The following NOD1 variants were observed in gnomAD, a reference collection of about 807,000 sequenced individuals.
The protein encoded by NOD1 is nucleotide binding oligomerization domain containing 1.
Under a neutral mutation model 81.2 loss-of-function variants are expected in NOD1, and 70 were observed. That is an observed-to-expected ratio of 0.86 (90% confidence interval 0.71 to 1.05). The LOEUF is 1.05. NOD1 is among the 50% of genes least tolerant of loss of function. The pLI is 0.00. For synonymous variants in NOD1, 508 were observed against 526.9 expected (o/e 0.96, Z 0.49); for missense variants, 1,233 against 1,228.0 (o/e 1.00, Z -0.06).
chr7:30,438,546 C>T (rs893025452), intron 9 of NOD1, among the ~76,000 whole-genome samples: 3 of 152,216 alleles, frequency 2.0e-5, no homozygotes, highest in Non-Finnish European at 4.4e-5. Context: ...AGAACAAGTT[C>T]GTGTGGCCCA....
chr7:30,425,036 T>C lies in NOD1; in HGVS notation c.*602A>G, dbSNP rs1783329731. The C allele has an allele frequency of 2.6e-5, 4 of 152,610 alleles. No individual in the cohort carries two copies. Among genetic ancestry groups the C allele is most frequent in the Non-Finnish European group, 1.5e-5 (1 of 68,370 alleles). 9.5% of individuals were successfully genotyped at this position (152,610 alleles called of 1,614,324 possible). ...AATTAAAAGCCCGTGGTGCATCCTT[T>C]CCTTGACATTAACTTTCCACAAAAC... On this transcript the variant is annotated 3_prime_UTR_variant, in exon 14 of 14. Coordinates refer to ENST00000222823, the MANE Select transcript of NOD1 (RefSeq NM_006092.4).
At chr7:30,432,172 CAGAA>C (rs1347865310) in intron 12 of NOD1, among the ~76,000 whole-genome samples, 4 of 151,942 alleles carry the variant, frequency 2.6e-5, no homozygotes, top group African/African-American at 9.7e-5. Flanking sequence ...AAAAACTCCA[CAGAA>C]AGAAAGAAAA....
chr7:30,434,019 T>C (rs577459318), intron 11 of NOD1, among the ~76,000 whole-genome samples: 3 of 152,264 alleles, frequency 2.0e-5, no homozygotes, highest in Admixed American at 6.5e-5. Context: ...ATGAAATATA[T>C]TGTGATATCT....
chr7:30,439,297 G>C (rs867633715), intron 9 of NOD1, among the ~76,000 whole-genome samples: 2 of 141,118 alleles, frequency 1.4e-5, no homozygotes, highest in Non-Finnish European at 2.9e-5. Context: ...AGCTCCCAGC[G>C]TGAGCGACGC....
intron 1 of NOD1, chr7:30,475,831 T>C (rs1452565824): frequency 6.6e-6 from 1 of 152,340 alleles, no homozygotes; most frequent in African/African-American, 2.4e-5. Context: ...CTAACTGACA[T>C]GCCAGTGACT....
At chr7:30,462,358 A>C (rs2128086749) in intron 1 of NOD1, among the ~76,000 whole-genome samples, 1 of 152,136 alleles carries the variant, frequency 6.6e-6, no homozygotes, top group African/African-American at 2.4e-5. Context: ...CAGACTCTGA[A>C]AACTTTCTAT....
At chr7:30,470,083 C>T (rs1026964875) in intron 1 of NOD1, among the ~76,000 whole-genome samples, 3 of 152,224 alleles carry the variant, frequency 2.0e-5, no homozygotes, top group African/African-American at 7.2e-5. Flanking sequence ...TTGGTAGTGG[C>T]AGTGAAGGAC....
At chr7:30,445,667 G>A (rs192789245) in intron 9 of NOD1, among the ~76,000 whole-genome samples, 4 of 144,848 alleles carry the variant, frequency 2.8e-5, no homozygotes, top group East Asian at 2.1e-4. Context: ...GCTGAGGCGA[G>A]AGAATCGCTT....
At chr7:30,435,629 C>T (rs1784312676) in intron 11 of NOD1, among the ~76,000 whole-genome samples, 1 of 152,134 alleles carries the variant, frequency 6.6e-6, no homozygotes, top group Non-Finnish European at 1.5e-5. Flanking sequence ...AGGCCATGTG[C>T]AGCCCCTGGG....
At position 30,446,189 on chromosome 7, in the gene NOD1, T is replaced by G. The variant is rs1395979494; in HGVS notation, c.2405A>C (p.Lys802Thr). 1 of 1,613,940 alleles carries G rather than the reference T, an allele frequency of 6.2e-7. No individual in the cohort carries two copies. The highest frequency in any genetic ancestry group is 8.5e-7 in the Non-Finnish European group (1 of 1,179,918). ...GKNKITSEGG[K>T]YLALAVKNSK... ...GTTCTTCACAGCCAGGGCGAGATAC[T>G]TCCCTCCTTCACTTGTTATTTTGTT... The change falls in exon 9 of 14, where the codon AAG (lysine) becomes ACG (threonine). Residue 802 changes from lysine to threonine, a missense_variant. Coordinates refer to ENST00000222823, the MANE Select transcript of NOD1 (RefSeq NM_006092.4).
At position 30,451,413 on chromosome 7, in the gene NOD1, C is replaced by T; in HGVS notation, c.2004G>A (p.Gly668=). 2.5e-6 allele frequency: 4 copies of T among 1,613,930 alleles called. No homozygotes were observed. The highest frequency in any genetic ancestry group is 3.4e-6 in the Non-Finnish European group (4 of 1,180,024). Residue 668 remains glycine (G), a synonymous_variant, in exon 6 of 14, where the codon GGG becomes GGA. Coordinates refer to ENST00000222823, the MANE Select transcript of NOD1 (RefSeq NM_006092.4). This position sits in a 1 kb window ranked among gnomAD's most constrained non-coding sequence, Gnocchi z 4.2. ...CGCAGATGCCCCTGGCCGCCAGCTG[C>T]CCCACCTTCTGGCTCTGTGTCTCGT... The part of the protein sequence containing the change: ...CIYETQSQKV[G]QLAARGICAN...
At chr7:30,470,381 C>T (rs1229181769) in intron 1 of NOD1, among the ~76,000 whole-genome samples, 1 of 152,236 alleles carries the variant, frequency 6.6e-6, no homozygotes, top group Non-Finnish European at 1.5e-5. Flanking sequence ...GGGAGGGCGA[C>T]CATCTGGTGA....
chr7:30,449,949 T>C (rs6971352), intron 6 of NOD1, among the ~76,000 whole-genome samples: 10,423 of 152,042 alleles, frequency 0.069, 1,166 homozygotes, highest in African/African-American at 0.24. Flanking sequence ...CCCCAACATT[T>C]TGGAAGGCCG....
chr7:30,429,338 C>G, intron 13 of NOD1, 36 bp downstream of exon 13: 2 of 1,550,122 alleles, frequency 1.3e-6, no homozygotes, highest in Non-Finnish European at 1.8e-6. Flanking sequence ...TAAACAGTCA[C>G]TGGTGTTATT....
chr7:30,458,696 G>C (rs1238111624), intron 3 of NOD1, among the ~76,000 whole-genome samples: 1 of 150,904 alleles, frequency 6.6e-6, no homozygotes, highest in African/African-American at 2.4e-5. Flanking sequence ...GAAAATATTA[G>C]TTATTGTTCC....
In NOD1 at chr7:30,455,290, C is replaced by T; in HGVS notation, c.223G>A (p.Val75Ile). The T allele has an allele frequency of 6.2e-7, 1 of 1,613,868 alleles. No individual in the cohort carries two copies. The highest frequency in any genetic ancestry group is 8.5e-7 in the Non-Finnish European group (1 of 1,179,860). Residue 75 changes from valine (V) to isoleucine (I), a missense_variant, in exon 5 of 14, where the codon GTA becomes ATA. Val to Ile is a conservative substitution (Grantham distance 29). Transcript: ENST00000222823. ...PDKVRKILDL[V>I]QSKGEEVSEF... is the part of the protein sequence containing the mutation. ...GACACCTCCTCGCCCTTGCTCTGTA[C>T]CAGGTCCAGAATTTTGCGGACCTGG...
At chr7:30,457,259 C>T (rs1404690060) in intron 3 of NOD1, among the ~76,000 whole-genome samples, 2 of 152,112 alleles carry the variant, frequency 1.3e-5, no homozygotes, top group African/African-American at 4.8e-5. Flanking sequence ...TGAGACCAAC[C>T]TGTGCAACAT....
intron 13 of NOD1, 113 bp from the exon 14 acceptor site, chr7:30,425,823 A>G (rs1783401308): frequency 1.3e-6 from 1 of 774,326 alleles, no homozygotes; most frequent in Non-Finnish European, 2.3e-6. Flanking sequence ...ATACACATGT[A>G]TCCCTGAAAT....
In NOD1 at chr7:30,446,201, C is replaced by CTTGTTATT. The variant is rs751720709; in HGVS notation, c.2385_2392dup (p.Ser798LysfsTer2). ...CAGGGCGAGATACTTCCCTCCTTCA[C>CTTGTTATT]TTGTTATTTTGTTTTTTCCCAGTCT... On this transcript the variant is annotated stop_gained and frameshift_variant, in exon 9 of 14. Coordinates refer to ENST00000222823, the MANE Select transcript of NOD1 (RefSeq NM_006092.4). LOFTEE classifies it high-confidence loss of function. 6.2e-7 allele frequency: 1 copy of CTTGTTATT among 1,614,156 alleles called. No homozygotes were observed. The highest frequency in any genetic ancestry group is 1.1e-5 in the South Asian group (1 of 91,086).
Sources: allele counts gnomAD v4.1 joint callset (sites outside exome capture counted in the v4.1 genomes callset), GRCh38; gene constraint gnomAD v4.1.1; non-coding constraint Gnocchi (gnomAD v3.1); transcripts MANE v1.5; gene names NCBI Gene and HGNC (gene_info 2026-07-23, HGNC 2026-07-21).